Variants in GRIK2 observed in about 807,000 individuals in gnomAD.
GRIK2 encodes glutamate ionotropic receptor kainate type subunit 2.
In GRIK2, 32 loss-of-function variants were observed where a neutral mutation model predicts 100.3. That is an observed-to-expected ratio of 0.32 (90% confidence interval 0.24 to 0.43). GRIK2 has a LOEUF of 0.43. Among genes scored for constraint, GRIK2 ranks in the 20% least tolerant of loss-of-function variants. The pLI, the probability that GRIK2 is intolerant of heterozygous loss-of-function variation, is 1.00. For missense variants in GRIK2, 843 were observed against 1,114.9 expected, an observed-to-expected ratio of 0.76 and a Z score of 3.47; for synonymous variants, 417 against 389.4, an observed-to-expected ratio of 1.07 and a Z score of -0.83.
intron 2 of GRIK2, among the ~76,000 whole-genome samples, chr6:101,429,913 C>T (rs974145156): frequency 9.2e-5 from 14 of 152,142 alleles, no homozygotes; most frequent in Non-Finnish European, 1.8e-4. Flanking sequence ...TAACAGCCCA[C>T]GGTGTTCTGG....
At chr6:102,044,655 G>A (rs921520342) in intron 15 of GRIK2, among the ~76,000 whole-genome samples, 2 of 151,932 alleles carry the variant, frequency 1.3e-5, no homozygotes, top group Admixed American at 6.6e-5. Flanking sequence ...ACAATACATG[G>A]GAATTATGGG....
At chr6:101,431,042 A>C (rs1769356566) in intron 2 of GRIK2, 1 of 253,132 alleles carries the variant, frequency 4.0e-6, no homozygotes, top group South Asian at 6.0e-5. Flanking sequence ...CAGGGACAGC[A>C]TGGCCCTGGG....
intron 7 of GRIK2, among the ~76,000 whole-genome samples, chr6:101,760,644 A>G (rs1481117983): frequency 2.1e-4 from 25 of 117,342 alleles, no homozygotes; most frequent in South Asian, 4.7e-4. Flanking sequence ...ATATAATTAT[A>G]TATAATTATA....
chr6:101,812,568 T>C (rs530695664), intron 9 of GRIK2, among the ~76,000 whole-genome samples: 1 of 152,050 alleles, frequency 6.6e-6, no homozygotes, highest in South Asian at 2.1e-4. Context: ...ATCTCACATA[T>C]AAAGCCCGTA....
At chr6:101,681,595 A>G (rs1771260436) in intron 5 of GRIK2, among the ~76,000 whole-genome samples, 2 of 152,070 alleles carry the variant, frequency 1.3e-5, no homozygotes, top group Non-Finnish European at 2.9e-5. Context: ...TTTAAAATAT[A>G]CAATTAAATT....
At chr6:101,417,129 C>T (rs1320506238) in intron 2 of GRIK2, among the ~76,000 whole-genome samples, 8 of 152,174 alleles carry the variant, frequency 5.3e-5, no homozygotes, top group Admixed American at 5.2e-4. Context: ...TGGCAGCAGG[C>T]ACGAGAATGT....
At chr6:101,448,427 C>T (rs1484302066) in intron 2 of GRIK2, among the ~76,000 whole-genome samples, 2 of 151,490 alleles carry the variant, frequency 1.3e-5, no homozygotes, top group Non-Finnish European at 3.0e-5. Context: ...TCAAATTGTG[C>T]AAATTATTTT....
Position 101,719,138 on chromosome 6 carries a change from G to GTTTTTTTTTTTT in GRIK2, c.951+32812_951+32823dup, listed in dbSNP as rs60301711. Among the ~76,000 whole-genome samples, 25 of 101,136 alleles carry GTTTTTTTTTTTT rather than the reference G, an allele frequency of 2.5e-4. 1 individual carries two copies. The highest frequency in any genetic ancestry group is 1.2e-3 in the African/African-American group (24 of 20,114). The allele number at this position is 101,136 out of a possible 152,430, so 66.3% of individuals were successfully genotyped here. A position where few individuals can be genotyped will look rare whatever the true frequency, so the allele number is the denominator to read the frequency against. On this transcript the variant is annotated intron_variant, in intron 7 of 16. Transcript: ENST00000369134. ...CTGAAATGTGCAACAGGCTGCAAGGGTTTTTTTTTTTTTTTTTTTTTTTTT... is the reference window on the plus strand; with the variant it reads ...CTGAAATGTGCAACAGGCTGCAAGGGTTTTTTTTTTTTTTTTTTTTTTTTTTTTTTTTTTTTT...
chr6:101,968,177 CATG>C (rs1792811094), intron 14 of GRIK2, among the ~76,000 whole-genome samples: 1 of 151,772 alleles, frequency 6.6e-6, no homozygotes. Context: ...AAACTGAACA[CATG>C]ATGAAGATTT....
intron 2 of GRIK2, chr6:101,430,803 G>T (rs1769336891): frequency 4.0e-6 from 1 of 252,190 alleles, no homozygotes; most frequent in Admixed American, 3.8e-5. Context: ...TGCCATGGTG[G>T]CCATCACCTG....
intron 7 of GRIK2, among the ~76,000 whole-genome samples, chr6:101,707,594 GTA>G (rs1193552049): frequency 1.0e-4 from 11 of 106,138 alleles, no homozygotes; most frequent in African/African-American, 1.5e-4. Flanking sequence ...GTGTGTGTGT[GTA>G]TATATGTGTG....
chr6:102,039,048 C>A (rs1770430655), intron 15 of GRIK2, among the ~76,000 whole-genome samples: 1 of 151,262 alleles, frequency 6.6e-6, no homozygotes, highest in Non-Finnish European at 1.5e-5. Context: ...TCCACCCCTG[C>A]CCCATTTTCC....
Position 101,623,618 on chromosome 6 carries a change from G to A in GRIK2, c.283+1502G>A, listed in dbSNP as rs578093082. 5.3e-5 allele frequency among the ~76,000 whole-genome samples: 8 copies of A among 152,098 alleles called. 1 individual carries two copies. In the South Asian group the frequency reaches 8.3e-4, roughly 16 times the overall value. ...GAACAGCATAAAAAAACACAGGTTC[G>A]GATGTTCTCACAACAGAGTACTATC... On this transcript the variant is annotated intron_variant, in intron 3 of 16. Transcript: ENST00000369134.
chr6:101,632,476 A>C lies in GRIK2; in HGVS notation c.541+5839A>C, dbSNP rs189467642. On this transcript the variant is annotated intron_variant, in intron 4 of 16. Coordinates refer to ENST00000369134, the MANE Select transcript of GRIK2 (RefSeq NM_021956.5). ...TTCCAATGAGTTAAGTATTCTGCCAAAGTCAAATTTGGTTAAGTAGCCTTT... is the reference window on the plus strand; with the variant it reads ...TTCCAATGAGTTAAGTATTCTGCCACAGTCAAATTTGGTTAAGTAGCCTTT... Among the ~76,000 whole-genome samples, 20 of 152,290 alleles carry C rather than the reference A, an allele frequency of 1.3e-4. 1 individual carries two copies. In the East Asian group the frequency reaches 3.5e-3, roughly 26 times the overall value.
chr6:101,936,075 T>C (rs1443676525), intron 14 of GRIK2, among the ~76,000 whole-genome samples: 1 of 152,080 alleles, frequency 6.6e-6, no homozygotes, highest in Admixed American at 6.6e-5. Flanking sequence ...CTTTTTTTTT[T>C]CTTTGTGCTT....
intron 14 of GRIK2, among the ~76,000 whole-genome samples, chr6:101,998,130 T>TA (rs1794746795): frequency 6.6e-6 from 1 of 152,142 alleles, no homozygotes; most frequent in Admixed American, 6.6e-5. Context: ...CTCCTAATCA[T>TA]AGGCAACTAC....
intron 7 of GRIK2, among the ~76,000 whole-genome samples, chr6:101,706,240 A>G (rs1387073659): frequency 6.6e-6 from 1 of 151,944 alleles, no homozygotes; most frequent in Non-Finnish European, 1.5e-5. Context: ...ATAGTTTAAA[A>G]AAATTAAACC....
At chr6:101,596,879 G>A (rs147700837) in intron 2 of GRIK2, among the ~76,000 whole-genome samples, 138 of 151,576 alleles carry the variant, frequency 9.1e-4, no homozygotes, top group Middle Eastern at 3.4e-3. Flanking sequence ...ATAACCAATC[G>A]CATTACAGGC....
At chr6:101,480,427 A>G (rs1033478232) in intron 2 of GRIK2, among the ~76,000 whole-genome samples, 5 of 151,992 alleles carry the variant, frequency 3.3e-5, no homozygotes, top group African/African-American at 9.7e-5. Context: ...CTCTCTTAGC[A>G]TCCTATCTTT....
Sources: allele counts gnomAD v4.1 joint callset (sites outside exome capture counted in the v4.1 genomes callset), GRCh38; gene constraint gnomAD v4.1.1; transcripts MANE v1.5; gene names NCBI Gene and HGNC (gene_info 2026-07-23, HGNC 2026-07-21).